TRAP1: variants seen among roughly 807,000 people sequenced by gnomAD.
TRAP1 encodes TNF receptor associated protein 1.
A neutral mutation model predicts 89.1 loss-of-function variants in TRAP1; 102 were observed. That is an observed-to-expected ratio of 1.15 (90% CI 0.98 to 1.35). The LOEUF (loss-of-function observed/expected upper bound fraction) is 1.35. Among genes scored for constraint, TRAP1 ranks in the 40% most tolerant of loss-of-function variants. TRAP1 has a pLI of 0.00. For synonymous variants in TRAP1, 508 were observed against 388.0 expected (o/e 1.31, Z -3.64); for missense variants, 1,256 against 945.3 (o/e 1.33, Z -4.31).
intron 1 of TRAP1, among the ~76,000 whole-genome samples, chr16:3,708,612 G>A (rs1596755920): frequency 1.3e-5 from 2 of 152,022 alleles, no homozygotes; most frequent in South Asian, 2.1e-4. Flanking sequence ...ACTCCAGCCT[G>A]GGCGACGGAG....
At chr16:3,713,568 T>C (rs1183283700) in intron 1 of TRAP1, among the ~76,000 whole-genome samples, 2 of 152,236 alleles carry the variant, frequency 1.3e-5, no homozygotes, top group African/African-American at 4.8e-5. Context: ...CCTATCGTGG[T>C]TGCCTCAGTC....
chr16:3,698,571 G>A lies in TRAP1; in HGVS notation c.89-7586C>T, dbSNP rs187861180. Among the ~76,000 whole-genome samples the A allele has an allele frequency of 3.9e-5, 6 of 151,956 alleles. No individual in the cohort carries two copies. The East Asian group carries it at 9.8e-4, about 25-fold the overall frequency. On this transcript the variant is annotated intron_variant, in intron 1 of 17. Transcript: ENST00000246957. ...CCCGCCTCAGCCTCCCAAAGTGCTG[G>A]GATTACAGGCGTGAGCCACCGCGCC...
At chr16:3,666,902 T>C (rs2050840067) in intron 11 of TRAP1, among the ~76,000 whole-genome samples, 1 of 152,216 alleles carries the variant, frequency 6.6e-6, no homozygotes, top group Admixed American at 6.5e-5. Flanking sequence ...TTTTATTTTC[T>C]TCTTAATATT....
intron 17 of TRAP1, 69 bp from the exon 18 acceptor site, chr16:3,658,299 C>CA (rs2042841949): frequency 8.0e-7 from 1 of 1,249,814 alleles, no homozygotes; most frequent in Non-Finnish European, 1.2e-6. Context: ...TTTTTTGAGA[C>CA]AGAGTCTCAC....
intron 6 of TRAP1, chr16:3,676,463 T>C (rs1024427928): frequency 2.5e-5 from 5 of 202,846 alleles, no homozygotes; most frequent in African/African-American, 1.2e-4. Flanking sequence ...TGTGGGGGAC[T>C]GGCCCAGCTC....
At chr16:3,712,995 G>A (rs1043207561) in intron 1 of TRAP1, among the ~76,000 whole-genome samples, 2 of 152,152 alleles carry the variant, frequency 1.3e-5, no homozygotes, top group African/African-American at 2.4e-5. Flanking sequence ...GGTGGCCTTG[G>A]ACAGCTGGGC....
chr16:3,688,150 C>T (rs1284526004), intron 3 of TRAP1, among the ~76,000 whole-genome samples: 1 of 151,938 alleles, frequency 6.6e-6, no homozygotes, highest in Non-Finnish European at 1.5e-5. Flanking sequence ...CTTGTCCTGT[C>T]ACCCCAAATG....
intron 5 of TRAP1, chr16:3,678,381 G>A (rs2051027951): frequency 6.6e-6 from 1 of 152,296 alleles, no homozygotes; most frequent in Admixed American, 6.5e-5. Flanking sequence ...ACACAGGACA[G>A]CAGACCAACC....
intron 1 of TRAP1, among the ~76,000 whole-genome samples, chr16:3,694,248 C>T (rs918209117): frequency 6.6e-6 from 1 of 152,126 alleles, no homozygotes; most frequent in African/African-American, 2.4e-5. Context: ...TTAGGCCCCA[C>T]CCCCATGCAG....
chr16:3,670,021 G>A (rs1262883875), intron 11 of TRAP1, among the ~76,000 whole-genome samples: 1 of 151,864 alleles, frequency 6.6e-6, no homozygotes, highest in African/African-American at 2.4e-5. Flanking sequence ...AAACAACATG[G>A]GAAGTGGTGC....
chr16:3,685,939 A>G lies in TRAP1; in HGVS notation c.471+57T>C, dbSNP rs938673536. 3.1e-6 allele frequency: 5 copies of G among 1,589,856 alleles called. No individual in the cohort carries two copies. The Admixed American group carries it at 5.1e-5, about 16-fold the overall frequency. ...GACCCGAGACATCACTAGAAGGCGG[A>G]TCCTGTCCTTGCTGCATGGCCGGGC... On this transcript the variant is annotated intron_variant, in intron 4 of 17. Coordinates refer to ENST00000246957, the MANE Select transcript of TRAP1 (RefSeq NM_016292.3).
At chr16:3,697,997 G>C (rs927634485) in intron 1 of TRAP1, among the ~76,000 whole-genome samples, 8 of 151,816 alleles carry the variant, frequency 5.3e-5, no homozygotes, top group Admixed American at 3.3e-4. Context: ...TTTTTAAGTA[G>C]AGACAGGGTT....
chr16:3,704,716 G>C (rs1158609082), intron 1 of TRAP1, among the ~76,000 whole-genome samples: 1 of 152,014 alleles, frequency 6.6e-6, no homozygotes. Context: ...CACAAAAAAA[G>C]GTTAAATTAA....
At chr16:3,680,562 G>A (rs2051061525) in intron 4 of TRAP1, among the ~76,000 whole-genome samples, 1 of 152,240 alleles carries the variant, frequency 6.6e-6, no homozygotes, top group South Asian at 2.1e-4. Flanking sequence ...CTACCACCAT[G>A]GGAACAGCGG....
chr16:3,659,684 G>A (rs1342866611), intron 16 of TRAP1: 1 of 152,074 alleles, frequency 6.6e-6, no homozygotes, highest in Non-Finnish European at 1.5e-5. Flanking sequence ...AAAACCACAT[G>A]TGGATGATAT....
chr16:3,691,231 G>T, intron 1 of TRAP1: 2 of 309,352 alleles, frequency 6.5e-6, no homozygotes, highest in Non-Finnish European at 1.2e-5. Context: ...GAAACTGGAG[G>T]GGGTGGGCTG....
At chr16:3,676,197 C>T (rs1254166307) in intron 6 of TRAP1, 52 bp from the exon 7 acceptor site, 1 of 1,527,230 alleles carries the variant, frequency 6.5e-7, no homozygotes, top group Admixed American at 1.7e-5. Context: ...CTGGGACATA[C>T]CCTGCATGGG....
intron 1 of TRAP1, among the ~76,000 whole-genome samples, chr16:3,713,888 C>G (rs550549675): frequency 6.6e-6 from 1 of 152,370 alleles, no homozygotes; most frequent in African/African-American, 2.4e-5. Flanking sequence ...AGGCCCAGGG[C>G]TGGCTCTGTG....
chr16:3,659,683 T>G (rs2042951682), intron 16 of TRAP1: 2 of 152,088 alleles, frequency 1.3e-5, no homozygotes, highest in South Asian at 4.2e-4. Flanking sequence ...GAAAACCACA[T>G]GTGGATGATA....
Sources: gnomAD v4.1 joint callset for allele counts (sites outside exome capture counted in the v4.1 genomes callset) on GRCh38, gnomAD v4.1.1 for gene constraint, MANE v1.5 for transcripts, NCBI Gene and HGNC (gene_info 2026-07-23, HGNC 2026-07-21) for gene names.